The following LRRC31 variants were observed in gnomAD, a reference collection of about 807,000 sequenced individuals.
The protein encoded by LRRC31 is leucine rich repeat containing 31.
Under a neutral mutation model 46.7 loss-of-function variants are expected in LRRC31, and 35 were observed. That is an observed-to-expected ratio of 0.75 (90% CI 0.57 to 0.99). The LOEUF (loss-of-function observed/expected upper bound fraction) is 0.99. Among genes scored for constraint, LRRC31 ranks in the 50% least tolerant of loss-of-function variants. LRRC31 has a pLI of 0.00. For missense variants in LRRC31, 613 were observed against 626.1 expected (o/e 0.98, Z 0.22); for synonymous variants, 236 against 235.1 (o/e 1.00, Z -0.03).
intron 3 of LRRC31, among the ~76,000 whole-genome samples, chr3:169,859,816 C>T (rs567277382): frequency 6.6e-6 from 1 of 152,126 alleles, no homozygotes; most frequent in African/African-American, 2.4e-5. Context: ...AGTAACAGAC[C>T]CAGTGTAAGC....
intron 8 of LRRC31, among the ~76,000 whole-genome samples, chr3:169,847,882 C>A (rs569241337): frequency 2.5e-4 from 38 of 152,308 alleles, no homozygotes; most frequent in Non-Finnish European, 4.7e-4. Flanking sequence ...CTTTCAGGAA[C>A]CTCCCCACCT....
In LRRC31 at chr3:169,861,764, A is replaced by G. The variant is rs763767367; in HGVS notation, c.225T>C (p.Asn75=). The G allele has an allele frequency of 3.7e-6, 6 of 1,614,084 alleles. No homozygotes were observed. The highest frequency in any genetic ancestry group is 3.3e-5 in the South Asian group (3 of 91,072). The change falls in exon 2 of 9, where the codon AAT becomes AAC. Residue 75 remains asparagine, a synonymous_variant. Transcript: ENST00000316428. ...TGCCCAGCTTCTGCAGGAAATGCTC[A>G]TTTTTCTCCATACTGGATCTCCATT... is the stretch of plus-strand genomic sequence containing the variant. ...EMEWRSSMEK[N]EHFLQKLGKK... is the part of the protein sequence containing the mutation.
chr3:169,853,702 T>C (rs1017155865), intron 6 of LRRC31: 5 of 984,890 alleles, frequency 5.1e-6, no homozygotes, highest in Non-Finnish European at 6.0e-6. Flanking sequence ...TCTTGAATTC[T>C]TCCCATTTTC....
At chr3:169,862,762 A>AT in intron 1 of LRRC31, among the ~76,000 whole-genome samples, 1 of 151,860 alleles carries the variant, frequency 6.6e-6, no homozygotes, top group African/African-American at 2.4e-5. Context: ...TGCATCTAAA[A>AT]AAAATAAATA....
Position 169,866,998 on chromosome 3 carries a change from A to ATT in LRRC31, c.175+2633_175+2634dup, listed in dbSNP as rs200123445. On this transcript the variant is annotated intron_variant, in intron 1 of 8. Coordinates refer to ENST00000316428, the MANE Select transcript of LRRC31 (RefSeq NM_024727.4). ...AAGAAACAAAATCGGCCATGGGTTG[A>ATT]TTTTTTTTTTTTCTGTCTCAGAAAG... Among the ~76,000 whole-genome samples the ATT allele has an allele frequency of 2.8e-3, 351 of 125,864 alleles. 11 individuals are homozygous for ATT. The East Asian group carries it at 0.058, about 21-fold the overall frequency. 82.6% of individuals were successfully genotyped at this position (125,864 alleles called of 152,430 possible).
intron 1 of LRRC31, among the ~76,000 whole-genome samples, chr3:169,863,522 T>C (rs1781237010): frequency 6.6e-6 from 1 of 151,094 alleles, no homozygotes; most frequent in African/African-American, 2.4e-5. Flanking sequence ...AGCAGTCTTG[T>C]GGCTTCCTGT....
chr3:169,840,297 C>A lies in LRRC31; in HGVS notation c.1344G>T (p.Thr448=). The change falls in exon 9 of 9, where the codon ACG becomes ACT. Residue 448 remains threonine, a synonymous_variant. Coordinates refer to ENST00000316428, the MANE Select transcript of LRRC31 (RefSeq NM_024727.4). ...DVALLASVIQ[T]GHLAKLQKLD... is the part of the protein sequence containing the mutation. ...GCTTTTGCAGTTTGGCCAGATGACC[C>A]GTCTGTATGACCGATGCTGGAAAAC... 1 of 1,614,052 alleles carries A rather than the reference C, an allele frequency of 6.2e-7. No individual in the cohort carries two copies. The highest frequency in any genetic ancestry group is 8.5e-7 in the Non-Finnish European group (1 of 1,179,992).
chr3:169,857,318 C>CTATATATATATATATA (rs34162537), intron 3 of LRRC31, among the ~76,000 whole-genome samples: 147 of 66,076 alleles, frequency 2.2e-3, no homozygotes, highest in South Asian at 3.1e-3. Context: ...TATCACATGC[C>CTATATATATATATATA]TATATATATA....
At chr3:169,856,607 C>G in intron 4 of LRRC31, 98 bp downstream of exon 4, 1 of 1,388,856 alleles carries the variant, frequency 7.2e-7, no homozygotes, top group Non-Finnish European at 9.6e-7. Context: ...CTCCTACATA[C>G]CCTTCTTTAA....
At chr3:169,854,737 A>C (rs1780889267) in intron 6 of LRRC31, 76 bp downstream of exon 6, 1 of 1,090,566 alleles carries the variant, frequency 9.2e-7, no homozygotes, top group Non-Finnish European at 1.4e-6. Flanking sequence ...TTAAGTGTAC[A>C]TATTAAAATT....
chr3:169,852,135 C>T (rs1318081395), intron 6 of LRRC31, among the ~76,000 whole-genome samples: 1 of 151,838 alleles, frequency 6.6e-6, no homozygotes, highest in East Asian at 1.9e-4. Context: ...CAGTGGCTCA[C>T]TGCCTGTAAT....
intron 5 of LRRC31, among the ~76,000 whole-genome samples, chr3:169,855,578 A>G (rs764798081): frequency 3.9e-5 from 6 of 152,212 alleles, no homozygotes; most frequent in Non-Finnish European, 8.8e-5. Flanking sequence ...AGGTTCTGTA[A>G]GTTGAAGGGG....
In LRRC31 at chr3:169,861,734, C is replaced by T. The variant is rs753558875; in HGVS notation, c.255G>A (p.Lys85=). ...NEHFLQKLGK[K]AVNKCLDLNN... ...TCAAATCTAGACACTTGTTGACAGCCTTTTTGCCCAGCTTCTGCAGGAAAT... is the reference window on the plus strand; with the variant it reads ...TCAAATCTAGACACTTGTTGACAGCTTTTTTGCCCAGCTTCTGCAGGAAAT... Residue 85 remains lysine (K), a synonymous_variant, in exon 2 of 9, where the codon AAG becomes AAA. Coordinates refer to ENST00000316428, the MANE Select transcript of LRRC31 (RefSeq NM_024727.4). 129 of 1,614,006 alleles carry T rather than the reference C, an allele frequency of 8.0e-5. No homozygotes were observed. Among genetic ancestry groups the T allele is most frequent in the Non-Finnish European group, 1.0e-4 (122 of 1,180,026 alleles).
intron 8 of LRRC31, among the ~76,000 whole-genome samples, chr3:169,847,327 A>G (rs897578461): frequency 1.2e-4 from 19 of 152,316 alleles, no homozygotes; most frequent in African/African-American, 4.6e-4. Flanking sequence ...CTGGGATTAC[A>G]GGCATGTGCC....
chr3:169,844,311 T>A (rs1375887510), intron 8 of LRRC31, among the ~76,000 whole-genome samples: 1 of 152,216 alleles, frequency 6.6e-6, no homozygotes, highest in African/African-American at 2.4e-5. Flanking sequence ...TTATTAATTA[T>A]TATCATTCAT....
intron 3 of LRRC31, among the ~76,000 whole-genome samples, chr3:169,859,632 T>C (rs1781085142): frequency 6.6e-6 from 1 of 152,220 alleles, no homozygotes; most frequent in Non-Finnish European, 1.5e-5. Context: ...ACAAATTTAA[T>C]CCTATGAAAC....
intron 6 of LRRC31, among the ~76,000 whole-genome samples, chr3:169,854,150 T>G (rs1193288769): frequency 1.3e-5 from 2 of 152,174 alleles, no homozygotes; most frequent in South Asian, 4.1e-4. Context: ...AATCTAAGCA[T>G]GAGATAACCG....
In LRRC31 at chr3:169,863,524, G is replaced by C. The variant is rs542366452; in HGVS notation, c.176-1711C>G. 9.9e-5 allele frequency among the ~76,000 whole-genome samples: 15 copies of C among 151,154 alleles called. No individual in the cohort carries two copies. The East Asian group carries it at 2.9e-3, about 29-fold the overall frequency. The stretch of plus-strand genomic sequence containing the variant: ...ACCTGTAATCCACAGCAGTCTTGTG[G>C]CTTCCTGTTTGGTCTAAGAAAACCA... On this transcript the variant is annotated intron_variant, in intron 1 of 8. Coordinates refer to ENST00000316428, the MANE Select transcript of LRRC31 (RefSeq NM_024727.4).
intron 8 of LRRC31, 100 bp downstream of exon 8, chr3:169,848,020 C>T: frequency 8.4e-7 from 1 of 1,190,056 alleles, no homozygotes; most frequent in Non-Finnish European, 1.2e-6. Flanking sequence ...GGGCTTCACC[C>T]CAGGTCTGGT....
Sources: gnomAD v4.1 joint callset for allele counts (sites outside exome capture counted in the v4.1 genomes callset) on GRCh38, gnomAD v4.1.1 for gene constraint, MANE v1.5 for transcripts, NCBI Gene and HGNC (gene_info 2026-07-23, HGNC 2026-07-21) for gene names.